The following FHIP1A variants were observed in gnomAD, a reference collection of about 807,000 sequenced individuals.
FHIP1A encodes FHF complex subunit HOOK-interacting protein 1A.
FHIP1A carries 61 observed loss-of-function variants against 88.6 expected under a neutral mutation model. That is an observed-to-expected ratio of 0.69 (90% CI 0.56 to 0.85). The LOEUF (loss-of-function observed/expected upper bound fraction) is 0.85, where lower values mean the gene tolerates loss of function less well. Ranked by LOEUF, FHIP1A falls within the 40% of genes least tolerant of loss-of-function variation. The pLI, the probability that FHIP1A is intolerant of heterozygous loss-of-function variation, is 0.00. For missense variants in FHIP1A, 1,154 were observed against 1,273.5 expected, an observed-to-expected ratio of 0.91 and a Z score of 1.43; for synonymous variants, 478 against 496.0, an observed-to-expected ratio of 0.96 and a Z score of 0.48.
intron 3 of FHIP1A, among the ~76,000 whole-genome samples, chr4:151,540,505 A>G (rs2126726823): frequency 6.6e-6 from 1 of 152,344 alleles, no homozygotes; most frequent in East Asian, 1.9e-4. Flanking sequence ...TCGACATTTT[A>G]TCTTCCTGTG....
rs1731259578 is a variant in FHIP1A, at chr4:151,516,881, G to A, written c.-123+34233G>A. ...ACTGTAAACTAGTTCAACCATTGTG[G>A]AAGTCAGTGTGGTGATTCCTCAGGG... is the stretch of plus-strand genomic sequence containing the variant. On this transcript the variant is annotated intron_variant, in intron 3 of 13. Coordinates refer to ENST00000435205, the MANE Select transcript of FHIP1A (RefSeq NM_001109977.3). Among the ~76,000 whole-genome samples the A allele has an allele frequency of 2.6e-5, 4 of 151,988 alleles. No homozygotes were observed. In the South Asian group the frequency reaches 8.3e-4, roughly 32 times the overall value.
chr4:151,473,089 C>T (rs1009875585), intron 2 of FHIP1A, among the ~76,000 whole-genome samples: 27 of 152,116 alleles, frequency 1.8e-4, no homozygotes, highest in African/African-American at 6.5e-4. Flanking sequence ...TGTTTTTTGT[C>T]GTTGTTGTTG....
chr4:151,483,571 C>T (rs755678021), intron 3 of FHIP1A, among the ~76,000 whole-genome samples: 11 of 152,090 alleles, frequency 7.2e-5, no homozygotes, highest in Non-Finnish European at 1.5e-4. Context: ...CACAAAACAG[C>T]TATTTATGAT....
intron 3 of FHIP1A, among the ~76,000 whole-genome samples, chr4:151,547,003 C>T (rs1732532044): frequency 6.6e-6 from 1 of 152,076 alleles, no homozygotes; most frequent in African/African-American, 2.4e-5. Context: ...CTACTTGTTC[C>T]TTAGTTTGAA....
At chr4:151,513,927 TGAACTCA>T (rs1318798340) in intron 3 of FHIP1A, among the ~76,000 whole-genome samples, 1 of 150,340 alleles carries the variant, frequency 6.7e-6, no homozygotes, top group Non-Finnish European at 1.5e-5. Context: ...ACCCAGGAAT[TGAACTCA>T]GCTCTGCACC....
chr4:151,648,550 G>C (rs1040122485), intron 10 of FHIP1A, among the ~76,000 whole-genome samples: 2 of 152,024 alleles, frequency 1.3e-5, no homozygotes, highest in Non-Finnish European at 2.9e-5. Context: ...TGGCACTGAC[G>C]TAAGAATGGA....
At chr4:151,471,398 T>C (rs984347369) in intron 2 of FHIP1A, among the ~76,000 whole-genome samples, 1 of 151,594 alleles carries the variant, frequency 6.6e-6, no homozygotes, top group Admixed American at 6.6e-5. Flanking sequence ...AACCTAGTAT[T>C]ATGGAATCTG....
chr4:151,423,823 T>C (rs906544621), intron 1 of FHIP1A, among the ~76,000 whole-genome samples: 5 of 152,166 alleles, frequency 3.3e-5, no homozygotes, highest in African/African-American at 1.2e-4. Context: ...GGACAGTATA[T>C]AATAAAGTGT....
intron 3 of FHIP1A, among the ~76,000 whole-genome samples, chr4:151,496,809 A>C (rs545438448): frequency 2.6e-4 from 38 of 146,756 alleles, no homozygotes; most frequent in Non-Finnish European, 4.9e-4. Flanking sequence ...CTGTCTGCCC[A>C]CTTTGTCCTC....
chr4:151,545,488 C>T (rs10002750), intron 3 of FHIP1A, among the ~76,000 whole-genome samples: 5,080 of 150,294 alleles, frequency 0.034, 292 homozygotes, highest in African/African-American at 0.12. Context: ...AGCAATTCTC[C>T]TGCCTCAGCC....
chr4:151,635,626 A>G (rs1347873740), intron 8 of FHIP1A, among the ~76,000 whole-genome samples: 3 of 151,970 alleles, frequency 2.0e-5, no homozygotes, highest in Non-Finnish European at 2.9e-5. Context: ...GAAGTAAGCC[A>G]GTCACAAAAA....
Position 151,656,904 on chromosome 4 carries a change from C to G in FHIP1A, c.2869+6C>G. The G allele has an allele frequency of 6.5e-7, 1 of 1,546,230 alleles. No individual in the cohort carries two copies. The highest frequency in any genetic ancestry group is 8.7e-7 in the Non-Finnish European group (1 of 1,143,848). ...CCCTGCAGCACTAACCAAAGGTAAG[C>G]CAGGTTTCTCCACAGCGCCCCTCCT... On this transcript the variant is annotated splice_donor_region_variant and intron_variant, in intron 13 of 13. Transcript: ENST00000435205. This position sits in a 1 kb window ranked among gnomAD's most constrained non-coding sequence, Gnocchi z 4.2.
intron 1 of FHIP1A, among the ~76,000 whole-genome samples, chr4:151,428,539 A>G (rs1733471360): frequency 6.6e-6 from 1 of 152,044 alleles, no homozygotes; most frequent in Non-Finnish European, 1.5e-5. Flanking sequence ...CCTCACCCTT[A>G]GTAATATTTA....
chr4:151,486,780 A>G (rs1181275810), intron 3 of FHIP1A, among the ~76,000 whole-genome samples: 1 of 152,004 alleles, frequency 6.6e-6, no homozygotes, highest in African/African-American at 2.4e-5. Context: ...CAGCCTGACC[A>G]ACATGATGAA....
chr4:151,524,472 A>C (rs759353224), intron 3 of FHIP1A, among the ~76,000 whole-genome samples: 1 of 152,190 alleles, frequency 6.6e-6, no homozygotes, highest in Non-Finnish European at 1.5e-5. Context: ...TAAAAGAATC[A>C]GGACTGGTAT....
Position 151,578,002 on chromosome 4 carries a change from C to T in FHIP1A, c.658C>T (p.Leu220Phe), listed in dbSNP as rs1304812688. Residue 220 changes from leucine (L) to phenylalanine (F), a missense_variant, in exon 5 of 14, where the codon CTC (leucine) becomes TTC (phenylalanine). By Grantham distance (22) the Leu-to-Phe change is conservative. Coordinates refer to ENST00000435205, the MANE Select transcript of FHIP1A (RefSeq NM_001109977.3). The stretch of plus-strand genomic sequence containing the variant: ...AGGCCAGCAAGCTCGGGATGCATTG[C>T]TCTTCATCATGTCTCTTTCTGCTGA... The part of the protein sequence containing the change: ...SVGQQARDAL[L>F]FIMSLSAENT... The T allele has an allele frequency of 1.2e-5, 18 of 1,551,130 alleles. No homozygotes were observed. The highest frequency in any genetic ancestry group is 1.5e-5 in the Non-Finnish European group (17 of 1,146,882).
chr4:151,581,805 A>G (rs552228812), intron 5 of FHIP1A, among the ~76,000 whole-genome samples: 1 of 150,324 alleles, frequency 6.7e-6, no homozygotes, highest in African/African-American at 2.4e-5. Flanking sequence ...AAAGTGTGTT[A>G]GCATCAGGCT....
chr4:151,455,026 C>T (rs1728920319), intron 2 of FHIP1A, among the ~76,000 whole-genome samples: 2 of 152,014 alleles, frequency 1.3e-5, no homozygotes. Flanking sequence ...ATCCAGGAAC[C>T]CTTCCCCACA....
At chr4:151,434,801 T>G (rs1223030073) in intron 1 of FHIP1A, among the ~76,000 whole-genome samples, 1 of 152,212 alleles carries the variant, frequency 6.6e-6, no homozygotes, top group Non-Finnish European at 1.5e-5. Flanking sequence ...GGTTGTTTAC[T>G]ATTGAGTAAT....
Sources: allele counts gnomAD v4.1 joint callset (sites outside exome capture counted in the v4.1 genomes callset), GRCh38; gene constraint gnomAD v4.1.1; non-coding constraint Gnocchi (gnomAD v3.1); transcripts MANE v1.5; gene names NCBI Gene and HGNC (gene_info 2026-07-23, HGNC 2026-07-21).